Variants in SUSD4 observed in about 807,000 individuals in gnomAD.
SUSD4 encodes sushi domain-containing protein 4.
SUSD4 carries 41 observed loss-of-function variants against 50.5 expected under a neutral mutation model. That is an observed-to-expected ratio of 0.81 (90% CI 0.63 to 1.05). SUSD4 has a LOEUF of 1.05. Among genes scored for constraint, SUSD4 ranks in the 50% least tolerant of loss-of-function variants. The pLI, the probability that SUSD4 is intolerant of heterozygous loss-of-function variation, is 0.00. For missense variants in SUSD4, 580 were observed against 634.7 expected, an observed-to-expected ratio of 0.91 and a Z score of 0.93; for synonymous variants, 257 against 257.3, an observed-to-expected ratio of 1.00 and a Z score of 0.01.
chr1:223,240,453 C>T (rs1660501623), intron 5 of SUSD4, among the ~76,000 whole-genome samples: 1 of 151,970 alleles, frequency 6.6e-6, no homozygotes, highest in African/African-American at 2.4e-5. Context: ...GTAGTTGTCC[C>T]ACAGTCCTCG....
At chr1:223,268,998 T>G (rs1662721729) in intron 3 of SUSD4, among the ~76,000 whole-genome samples, 1 of 152,180 alleles carries the variant, frequency 6.6e-6, no homozygotes, top group South Asian at 2.1e-4. Context: ...AAAAGAGAAG[T>G]GTTGAGGATT....
chr1:223,309,113 T>G (rs1032533837), intron 2 of SUSD4, among the ~76,000 whole-genome samples: 1 of 152,170 alleles, frequency 6.6e-6, no homozygotes, highest in Non-Finnish European at 1.5e-5. Context: ...CAACCATCTC[T>G]TAACAGGGTA....
chr1:223,261,402 G>T (rs764548638), intron 5 of SUSD4, among the ~76,000 whole-genome samples: 26 of 143,988 alleles, frequency 1.8e-4, no homozygotes, highest in Non-Finnish European at 3.5e-4. Flanking sequence ...CCATGCTATA[G>T]TCCCAGCTCC....
At chr1:223,275,236 A>C (rs895821818) in intron 3 of SUSD4, among the ~76,000 whole-genome samples, 4 of 152,206 alleles carry the variant, frequency 2.6e-5, no homozygotes, top group Non-Finnish European at 4.4e-5. Context: ...ATTTGCCAGC[A>C]AATTTTCAGA....
intron 2 of SUSD4, among the ~76,000 whole-genome samples, chr1:223,298,620 C>T (rs956021911): frequency 6.6e-6 from 1 of 152,128 alleles, no homozygotes; most frequent in South Asian, 2.1e-4. Flanking sequence ...CTCAGATGGT[C>T]GTATCCCCCA....
chr1:223,321,716 C>A (rs1237614810), intron 2 of SUSD4, among the ~76,000 whole-genome samples: 2 of 152,150 alleles, frequency 1.3e-5, no homozygotes, highest in Non-Finnish European at 2.9e-5. Context: ...AGCACATGGA[C>A]CCTTTCAAAA....
chr1:223,343,823 G>A (rs1667890045), intron 2 of SUSD4, among the ~76,000 whole-genome samples: 1 of 152,188 alleles, frequency 6.6e-6, no homozygotes, highest in African/African-American at 2.4e-5. Flanking sequence ...CTGTGCAACT[G>A]CTGTAGGAAC....
At position 223,359,824 on chromosome 1, in the gene SUSD4, A is replaced by T. The variant is rs73124228; in HGVS notation, c.148+3454T>A. Among the ~76,000 whole-genome samples, 1,153 of 152,296 alleles carry T rather than the reference A, an allele frequency of 7.6e-3. 11 individuals are homozygous for T. The highest frequency in any genetic ancestry group is 0.025 in the African/African-American group (1,039 of 41,558). ...AATATGAGAGAAGTTATGGCATTTA[A>T]AAGTTGGGGATAGAAAGAAATTTGA... On this transcript the variant is annotated intron_variant, in intron 2 of 8. Transcript: ENST00000366878.
At chr1:223,251,543 G>A (rs1037227150) in intron 5 of SUSD4, among the ~76,000 whole-genome samples, 1 of 152,102 alleles carries the variant, frequency 6.6e-6, no homozygotes, top group African/African-American at 2.4e-5. Context: ...ATATCAACTT[G>A]TGTCCTTATA....
chr1:223,224,956 G>A (rs866705269), intron 7 of SUSD4, among the ~76,000 whole-genome samples: 4 of 130,280 alleles, frequency 3.1e-5, no homozygotes, highest in Admixed American at 1.9e-4. Flanking sequence ...TGAAACCTCC[G>A]CCTCCCAGGC....
At chr1:223,301,152 C>G (rs988112242) in intron 2 of SUSD4, among the ~76,000 whole-genome samples, 1 of 152,150 alleles carries the variant, frequency 6.6e-6, no homozygotes, top group African/African-American at 2.4e-5. Context: ...AGGGAAAGAA[C>G]AGTTTAACAT....
At chr1:223,347,311 AGTACATTTTGTTT>A (rs1017106914) in intron 2 of SUSD4, among the ~76,000 whole-genome samples, 4 of 152,158 alleles carry the variant, frequency 2.6e-5, no homozygotes, top group Non-Finnish European at 4.4e-5. Context: ...TCTTTCCAAT[AGTACATTTTGTTT>A]GTACCCATTA....
intron 2 of SUSD4, among the ~76,000 whole-genome samples, chr1:223,313,037 A>C (rs1665967117): frequency 6.6e-6 from 1 of 152,040 alleles, no homozygotes; most frequent in Admixed American, 6.6e-5. Flanking sequence ...GTTTTGTCCA[A>C]CTCCTTGCAA....
At chr1:223,358,840 A>G (rs1255035416) in intron 2 of SUSD4, 2 of 234,418 alleles carry the variant, frequency 8.5e-6, no homozygotes, top group Admixed American at 9.3e-5. Context: ...CTTTGCTTAC[A>G]GATTAAGCGC....
At chr1:223,290,770 A>G (rs1470964544) in intron 3 of SUSD4, among the ~76,000 whole-genome samples, 1 of 151,988 alleles carries the variant, frequency 6.6e-6, no homozygotes, top group Non-Finnish European at 1.5e-5. Context: ...CTTTCTTGCC[A>G]TGACTACGTA....
intron 4 of SUSD4, among the ~76,000 whole-genome samples, chr1:223,265,628 T>A (rs1360951556): frequency 6.6e-6 from 1 of 152,140 alleles, no homozygotes; most frequent in African/African-American, 2.4e-5. Context: ...CTGTGTGCAA[T>A]AGTGTGGAAG....
chr1:223,296,420 C>T (rs1342642075), intron 2 of SUSD4, among the ~76,000 whole-genome samples: 1 of 152,118 alleles, frequency 6.6e-6, no homozygotes, highest in Admixed American at 6.5e-5. Flanking sequence ...TGTGGTGAAT[C>T]TGAATTCTTG....
chr1:223,301,422 C>G (rs1665186303), intron 2 of SUSD4, among the ~76,000 whole-genome samples: 1 of 152,204 alleles, frequency 6.6e-6, no homozygotes, highest in South Asian at 2.1e-4. Flanking sequence ...TTGGAGAGAA[C>G]ACAACCTAAG....
chr1:223,278,835 AC>A (rs1421589946), intron 3 of SUSD4, among the ~76,000 whole-genome samples: 7 of 152,268 alleles, frequency 4.6e-5, no homozygotes, highest in African/African-American at 1.4e-4. Flanking sequence ...GCAGACTGAC[AC>A]CTCACACGGC....
Sources: allele counts gnomAD v4.1 joint callset (sites outside exome capture counted in the v4.1 genomes callset), GRCh38; gene constraint gnomAD v4.1.1; transcripts MANE v1.5; gene names NCBI Gene and HGNC (gene_info 2026-07-23, HGNC 2026-07-21).